Variants in PPARGC1A observed in about 807,000 individuals in gnomAD.
The protein encoded by PPARGC1A is PPARG coactivator 1 alpha.
PPARGC1A carries 25 observed loss-of-function variants against 88.7 expected under a neutral mutation model. The observed-to-expected ratio is 0.28, with a 90% CI of 0.21 to 0.39. The LOEUF is 0.39. Ranked by LOEUF, PPARGC1A falls within the 10% of genes least tolerant of loss-of-function variation. PPARGC1A has a pLI of 1.00. For synonymous variants in PPARGC1A, 363 were observed against 355.6 expected (o/e 1.02, Z -0.24); for missense variants, 880 against 968.7 (o/e 0.91, Z 1.22).
upstream of PPARGC1A, among the ~76,000 whole-genome samples, chr4:23,900,069 A>G (rs1460567678): frequency 6.6e-6 from 1 of 151,958 alleles, no homozygotes; most frequent in Admixed American, 6.6e-5. Flanking sequence ...CCCTTAAACC[A>G]CTTAGACAAA....
the PPARGC1A span, among the ~76,000 whole-genome samples, chr4:24,233,399 TTCTC>T: frequency 6.2e-3 from 945 of 152,186 alleles, 20 homozygotes; most frequent in East Asian, 0.089. Flanking sequence ...CTTCTTCTCC[TTCTC>T]TCTCTATCAA....
chr4:24,323,132 G>GC, the PPARGC1A span, among the ~76,000 whole-genome samples: 1 of 152,178 alleles, frequency 6.6e-6, no homozygotes, highest in South Asian at 2.1e-4. Flanking sequence ...GGGCCTTAGA[G>GC]AAAAACAAAA....
chr4:24,213,854 T>C, the PPARGC1A span, among the ~76,000 whole-genome samples: 1 of 152,230 alleles, frequency 6.6e-6, no homozygotes. Flanking sequence ...ATTATATGTT[T>C]GTACAGAGAT....
At chr4:24,301,235 C>G in the PPARGC1A span, among the ~76,000 whole-genome samples, 1 of 151,958 alleles carries the variant, frequency 6.6e-6, no homozygotes, top group East Asian at 1.9e-4. Context: ...TAAAAAGAAG[C>G]ACAGGTTCTT....
the PPARGC1A span, among the ~76,000 whole-genome samples, chr4:24,335,680 C>G: frequency 6.6e-6 from 1 of 152,156 alleles, no homozygotes; most frequent in Non-Finnish European, 1.5e-5. Context: ...TACAGAGGAT[C>G]CTTTATTTAG....
chr4:24,312,225 T>C, the PPARGC1A span, among the ~76,000 whole-genome samples: 7,712 of 152,278 alleles, frequency 0.051, 330 homozygotes, highest in Non-Finnish European at 0.076. Flanking sequence ...ACCACCAAAC[T>C]CTGTTTCTGT....
the PPARGC1A span, among the ~76,000 whole-genome samples, chr4:24,150,143 T>A: frequency 6.6e-6 from 1 of 152,132 alleles, no homozygotes; most frequent in Admixed American, 6.6e-5. Context: ...GGTGAGAGAA[T>A]CTTATTTCAT....
the PPARGC1A span, among the ~76,000 whole-genome samples, chr4:24,326,571 C>T: frequency 2.0e-4 from 31 of 152,300 alleles, no homozygotes; most frequent in African/African-American, 5.3e-4. Flanking sequence ...GCTGCACTGC[C>T]GCAAGGCTTC....
the PPARGC1A span, among the ~76,000 whole-genome samples, chr4:23,913,244 A>G: frequency 1.8e-5 from 1 of 56,046 alleles, no homozygotes; most frequent in Non-Finnish European, 3.3e-5. Context: ...TATATATTTT[A>G]TATATATATA....
At chr4:23,805,101 A>G (rs1334464380) in intron 10 of PPARGC1A, among the ~76,000 whole-genome samples, 1 of 150,450 alleles carries the variant, frequency 6.6e-6, no homozygotes, top group East Asian at 1.9e-4. Context: ...ATCAGTTACT[A>G]ATCAATTAAT....
the PPARGC1A span, among the ~76,000 whole-genome samples, chr4:24,470,755 GC>G: frequency 6.6e-6 from 1 of 151,470 alleles, no homozygotes; most frequent in Admixed American, 6.6e-5. The surrounding 1 kb of genome is among the most constrained non-coding windows in gnomAD (Gnocchi z 5.8). Flanking sequence ...AGAGCTCGCC[GC>G]CGCCTCCCGC....
At chr4:24,317,459 T>C in the PPARGC1A span, among the ~76,000 whole-genome samples, 1 of 149,634 alleles carries the variant, frequency 6.7e-6, no homozygotes, top group Admixed American at 6.8e-5. Flanking sequence ...ATCCTCCTAC[T>C]TGCTTTAGGG....
At chr4:24,121,543 T>C in the PPARGC1A span, among the ~76,000 whole-genome samples, 6 of 152,002 alleles carry the variant, frequency 3.9e-5, no homozygotes, top group African/African-American at 1.2e-4. Flanking sequence ...CATACCCTCT[T>C]GGACACAGGA....
chr4:24,305,133 G>GTC, the PPARGC1A span, among the ~76,000 whole-genome samples: 8 of 142,896 alleles, frequency 5.6e-5, no homozygotes, highest in Admixed American at 2.1e-4. Context: ...ATATGTGTAT[G>GTC]TATATATATA....
the PPARGC1A span, among the ~76,000 whole-genome samples, chr4:24,197,799 T>C: frequency 1.3e-5 from 2 of 152,318 alleles, no homozygotes; most frequent in African/African-American, 2.4e-5. Context: ...CAGTTAACAG[T>C]TCCTTCTTCA....
the PPARGC1A span, among the ~76,000 whole-genome samples, chr4:24,306,808 G>A: frequency 6.6e-6 from 1 of 152,206 alleles, no homozygotes; most frequent in South Asian, 2.1e-4. Context: ...GTAATAGGAA[G>A]GAGGAAGGTG....
the PPARGC1A span, among the ~76,000 whole-genome samples, chr4:23,924,175 A>G: frequency 4.6e-5 from 7 of 152,332 alleles, no homozygotes; most frequent in African/African-American, 1.4e-4. Context: ...CTGAAAATCA[A>G]CTAGGACTCC....
At chr4:23,978,091 A>T in the PPARGC1A span, among the ~76,000 whole-genome samples, 1 of 152,168 alleles carries the variant, frequency 6.6e-6, no homozygotes. Flanking sequence ...CCAGCCTCCA[A>T]ATGTCCAATT....
chr4:24,175,867 G>C, the PPARGC1A span, among the ~76,000 whole-genome samples: 185 of 152,142 alleles, frequency 1.2e-3, 1 homozygote, highest in South Asian at 0.036. Flanking sequence ...CACTAGCGCT[G>C]TCATGACCAT....
Sources: allele counts gnomAD v4.1 joint callset (sites outside exome capture counted in the v4.1 genomes callset), GRCh38; gene constraint gnomAD v4.1.1; non-coding constraint Gnocchi (gnomAD v3.1); transcripts MANE v1.5; gene names NCBI Gene and HGNC (gene_info 2026-07-23, HGNC 2026-07-21).